The following TRAK1 variants were observed in gnomAD, a reference collection of about 807,000 sequenced individuals.
The protein encoded by TRAK1 is trafficking kinesin-binding protein 1.
Under a neutral mutation model 92.1 loss-of-function variants are expected in TRAK1, and 33 were observed. That is an observed-to-expected ratio of 0.36 (90% CI 0.27 to 0.48). The LOEUF (loss-of-function observed/expected upper bound fraction) is 0.48, where lower values mean the gene tolerates loss of function less well. TRAK1 is among the 20% of genes least tolerant of loss of function. TRAK1 has a pLI of 0.99. For missense variants in TRAK1, 1,123 were observed against 1,257.9 expected, an observed-to-expected ratio of 0.89 and a Z score of 1.62; for synonymous variants, 521 against 517.3, an observed-to-expected ratio of 1.01 and a Z score of -0.10.
At chr3:42,209,555 C>T (rs1708728114) in intron 13 of TRAK1, among the ~76,000 whole-genome samples, 1 of 152,092 alleles carries the variant, frequency 6.6e-6, no homozygotes, top group Non-Finnish European at 1.5e-5. Context: ...CTTGCTATTC[C>T]TTCTGAGCAT....
At chr3:42,166,235 C>A (rs1214393774) in intron 2 of TRAK1, among the ~76,000 whole-genome samples, 4 of 152,164 alleles carry the variant, frequency 2.6e-5, no homozygotes, top group African/African-American at 9.7e-5. Context: ...TGGGCAGTTT[C>A]TTTCTGTCTA....
At chr3:42,183,337 C>G (rs1319084113) in intron 3 of TRAK1, among the ~76,000 whole-genome samples, 1 of 151,944 alleles carries the variant, frequency 6.6e-6, no homozygotes, top group Non-Finnish European at 1.5e-5. Context: ...GGGCGAATCA[C>G]CTGAGATCAG....
intron 1 of TRAK1, among the ~76,000 whole-genome samples, chr3:42,067,727 G>A (rs1467101248): frequency 2.6e-5 from 4 of 152,044 alleles, no homozygotes; most frequent in Non-Finnish European, 5.9e-5. Context: ...ATTTCCTAAT[G>A]CGACAGTTGG....
chr3:42,161,368 A>G (rs1001861944), intron 2 of TRAK1, among the ~76,000 whole-genome samples: 5 of 152,130 alleles, frequency 3.3e-5, no homozygotes, highest in Admixed American at 2.0e-4. Context: ...CTGTCTTGGG[A>G]TAACTTTTTT....
chr3:42,079,481 T>TTTC (rs1704326459), intron 1 of TRAK1, among the ~76,000 whole-genome samples: 1 of 149,042 alleles, frequency 6.7e-6, no homozygotes, highest in Non-Finnish European at 1.5e-5. Context: ...CTTCTTCTTT[T>TTTC]TTTTTTTTTT....
At chr3:42,059,793 G>A (rs1364181906) in intron 1 of TRAK1, among the ~76,000 whole-genome samples, 2 of 152,146 alleles carry the variant, frequency 1.3e-5, no homozygotes, top group Admixed American at 1.3e-4. Context: ...TCTTGTTCTG[G>A]CTTCACCGTT....
chr3:42,147,828 CAG>C (rs1699503929), intron 2 of TRAK1, among the ~76,000 whole-genome samples: 1 of 152,196 alleles, frequency 6.6e-6, no homozygotes, highest in Non-Finnish European at 1.5e-5. Flanking sequence ...TACCCCAGAG[CAG>C]AGAGAGATTT....
Position 42,022,928 on chromosome 3 carries a change from G to T in TRAK1, c.-519+8811G>T, listed in dbSNP as rs1206298521. ...AATCCCAGCACTTTGGGAGGCTGAG[G>T]CTGGCGGATCACGAGGTCAGGAGTT... On this transcript the variant is annotated intron_variant, in intron 1 of 16. Transcript: ENST00000487159. Among the ~76,000 whole-genome samples the T allele has an allele frequency of 2.0e-5, 3 of 151,924 alleles. No individual in the cohort carries two copies. In the South Asian group the frequency reaches 6.2e-4, roughly 31 times the overall value.
intron 1 of TRAK1, among the ~76,000 whole-genome samples, chr3:42,033,478 A>G (rs1401455416): frequency 1.3e-5 from 2 of 152,102 alleles, no homozygotes; most frequent in East Asian, 3.9e-4. Context: ...GGTCTTAGCT[A>G]TTGAGGGGCT....
At chr3:42,149,607 T>C (rs1699725041) in intron 2 of TRAK1, 9 of 1,536,114 alleles carry the variant, frequency 5.9e-6, no homozygotes, top group Non-Finnish European at 7.8e-6. Flanking sequence ...ATGGTAATTA[T>C]GGCCCCTGCA....
chr3:42,126,886 A>G (rs1223458416), intron 2 of TRAK1, among the ~76,000 whole-genome samples: 1 of 152,210 alleles, frequency 6.6e-6, no homozygotes, highest in East Asian at 1.9e-4. Flanking sequence ...TTTTGCTTAC[A>G]TTGACCCATA....
intron 1 of TRAK1, among the ~76,000 whole-genome samples, chr3:42,062,447 C>G (rs1335191882): frequency 6.6e-6 from 1 of 152,102 alleles, no homozygotes; most frequent in Non-Finnish European, 1.5e-5. Context: ...ATATGCTTGT[C>G]TTGGAGACTA....
At chr3:42,044,413 C>T (rs1286670936) in intron 1 of TRAK1, among the ~76,000 whole-genome samples, 2 of 152,198 alleles carry the variant, frequency 1.3e-5, no homozygotes, top group African/African-American at 2.4e-5. Context: ...CCACTTGCCT[C>T]GGTCTCCCAA....
At chr3:42,102,174 C>T (rs537194524) in intron 1 of TRAK1, among the ~76,000 whole-genome samples, 1 of 152,162 alleles carries the variant, frequency 6.6e-6, no homozygotes, top group African/African-American at 2.4e-5. Context: ...TTAGTAGAGA[C>T]GGGGTTTTGC....
intron 1 of TRAK1, among the ~76,000 whole-genome samples, chr3:42,095,024 G>T (rs1317957130): frequency 6.6e-6 from 1 of 152,186 alleles, no homozygotes; most frequent in Non-Finnish European, 1.5e-5. Context: ...GTTTTACTCA[G>T]CCTGCTTATT....
intron 1 of TRAK1, among the ~76,000 whole-genome samples, chr3:42,031,242 T>C (rs1453813376): frequency 6.6e-6 from 1 of 151,682 alleles, no homozygotes; most frequent in African/African-American, 2.4e-5. Context: ...TTTCACGATA[T>C]TGGCCAGGCT....
intron 1 of TRAK1, chr3:42,051,176 A>C (rs1466763665): frequency 6.6e-6 from 1 of 152,208 alleles, no homozygotes; most frequent in Non-Finnish European, 1.5e-5. Context: ...GCATTCATTT[A>C]ATTTTTAATC....
intron 1 of TRAK1, among the ~76,000 whole-genome samples, chr3:42,032,787 G>T (rs1702197567): frequency 1.3e-5 from 2 of 152,194 alleles, no homozygotes; most frequent in Non-Finnish European, 2.9e-5. Flanking sequence ...GCCAGGCATA[G>T]CGGTGCGTGC....
At chr3:42,058,446 T>C (rs1259410300) in intron 1 of TRAK1, among the ~76,000 whole-genome samples, 2 of 152,074 alleles carry the variant, frequency 1.3e-5, no homozygotes, top group East Asian at 1.9e-4. Flanking sequence ...CAAGCAATTC[T>C]CCTGCCTCAG....
Sources: allele counts gnomAD v4.1 joint callset (sites outside exome capture counted in the v4.1 genomes callset), GRCh38; gene constraint gnomAD v4.1.1; transcripts MANE v1.5; gene names NCBI Gene and HGNC (gene_info 2026-07-23, HGNC 2026-07-21).